PTPN23: variants seen among roughly 807,000 people sequenced by gnomAD.
The protein encoded by PTPN23 is tyrosine-protein phosphatase non-receptor type 23.
In PTPN23, 72 loss-of-function variants were observed where a neutral mutation model predicts 156.3. The ratio of observed to expected loss-of-function variants is 0.46; its 90% confidence interval spans 0.38 to 0.56. The LOEUF (loss-of-function observed/expected upper bound fraction) is 0.56, where lower values mean the gene tolerates loss of function less well. Ranked by LOEUF, PTPN23 falls within the 20% of genes least tolerant of loss-of-function variation. PTPN23 has a pLI of 0.00. For synonymous variants in PTPN23, 957 were observed against 899.6 expected (o/e 1.06, Z -1.14); for missense variants, 1,974 against 2,171.5 (o/e 0.91, Z 1.81).
chr3:47,398,061 T>G (rs987354288), intron 2 of PTPN23, among the ~76,000 whole-genome samples: 1 of 152,076 alleles, frequency 6.6e-6, no homozygotes, highest in South Asian at 2.1e-4. Flanking sequence ...TTTGGGAGGC[T>G]GAGGCAGGTG....
Position 47,413,139 on chromosome 3 carries a change from A to AC in PTPN23, c.4870dup (p.Leu1624ProfsTer?). 6.2e-7 allele frequency: 1 copy of AC among 1,612,392 alleles called. No individual in the cohort carries two copies. Among genetic ancestry groups the AC allele is most frequent in the Non-Finnish European group, 8.5e-7 (1 of 1,179,878 alleles). ...CTGCGGGCCACCCGGCCCTCTGACG[A>AC]CCCCCTCAGCCTTCTGGATCCACTC... On this transcript the variant is annotated frameshift_variant, in exon 25 of 25. Coordinates refer to ENST00000265562, the MANE Select transcript of PTPN23 (RefSeq NM_015466.4). LOFTEE classifies it high-confidence loss of function.
At position 47,406,370 on chromosome 3, in the gene PTPN23, A is replaced by T; in HGVS notation, c.592A>T (p.Arg198Trp). The change falls in exon 7 of 25, where the codon AGG becomes TGG. Residue 198 changes from arginine (R) to tryptophan (W), a missense_variant. By Grantham distance (101) the Arg-to-Trp change is moderately radical (BLOSUM62 -3). Around this residue, in one of 4 missense-constraint regions of PTPN23, gnomAD observed 726 missense variants for 929.5 expected, o/e 0.78. Transcript: ENST00000265562. This position sits in a 1 kb window ranked among gnomAD's most constrained non-coding sequence, Gnocchi z 5.8. ...CLLEKSMLDNRKSFLVARISA... is the reference protein window; with the variant it reads ...CLLEKSMLDNWKSFLVARISA... ...CCTGGAGAAGTCGATGTTGGACAAC[A>T]GGAAGAGCTTTCTGGTGGCCCGCAT... 6.2e-7 allele frequency: 1 copy of T among 1,613,878 alleles called. No individual in the cohort carries two copies. The highest frequency in any genetic ancestry group is 1.7e-5 in the Admixed American group (1 of 60,032).
Position 47,411,554 on chromosome 3 carries a change from C to A in PTPN23, c.3756C>A (p.Leu1252=), listed in dbSNP as rs749718894. The change falls in exon 20 of 25, where the codon CTC becomes CTA. Residue 1252 remains leucine (L), a synonymous_variant. Transcript: ENST00000265562. The surrounding 1 kb of genome is among the most constrained non-coding windows in gnomAD (Gnocchi z 6.3). ...DYINASCVEG[L]SPYCPPLVAT... ...TCAATGCCAGCTGCGTGGAGGGGCT[C>A]TCCCCATACTGCCCCCCGCTAGTGG... 1.4e-5 allele frequency: 22 copies of A among 1,612,672 alleles called. No homozygotes were observed. The highest frequency in any genetic ancestry group is 1.7e-5 in the Non-Finnish European group (20 of 1,179,998).
chr3:47,406,448 T>A lies in PTPN23; in HGVS notation c.628-33T>A, dbSNP rs1559525183. ...GGGAGGCCTTCACTTTACTGCTGAC[T>A]CCCCCACTCATTGGGCCCCACCCTG... On this transcript the variant is annotated intron_variant, in intron 7 of 24. Transcript: ENST00000265562. The surrounding 1 kb of genome is among the most constrained non-coding windows in gnomAD (Gnocchi z 5.8). 6.2e-7 allele frequency: 1 copy of A among 1,613,746 alleles called. No homozygotes were observed. The highest frequency in any genetic ancestry group is 8.5e-7 in the Non-Finnish European group (1 of 1,179,926).
At chr3:47,412,015 G>A (rs1705312319) in intron 21 of PTPN23, 48 bp downstream of exon 21, 4 of 1,606,864 alleles carry the variant, frequency 2.5e-6, no homozygotes, top group East Asian at 2.2e-5. Context: ...GTGCTGTCCA[G>A]TCCTTGGTGC....
At chr3:47,387,786 T>C (rs2107693598) in intron 1 of PTPN23, among the ~76,000 whole-genome samples, 1 of 152,322 alleles carries the variant, frequency 6.6e-6, no homozygotes, top group East Asian at 1.9e-4. Context: ...AAAGCATACA[T>C]AGAAGAATGA....
intron 1 of PTPN23, among the ~76,000 whole-genome samples, chr3:47,390,205 A>G (rs560278171): frequency 1.4e-4 from 21 of 152,318 alleles, no homozygotes; most frequent in Middle Eastern, 3.4e-3. Context: ...ACTGCACTCC[A>G]GCCTGCCTGA....
At chr3:47,393,888 G>A (rs1209813208) in intron 1 of PTPN23, among the ~76,000 whole-genome samples, 1 of 151,294 alleles carries the variant, frequency 6.6e-6, no homozygotes, top group African/African-American at 2.4e-5. Flanking sequence ...TACAGGCGTG[G>A]GCTACCATAC....
chr3:47,385,250 C>T (rs1704628869), intron 1 of PTPN23, among the ~76,000 whole-genome samples: 1 of 152,154 alleles, frequency 6.6e-6, no homozygotes, highest in South Asian at 2.1e-4. Flanking sequence ...AAACACTTGC[C>T]CTTAACCAGC....
chr3:47,405,682 CCT>C lies in PTPN23; in HGVS notation c.365-64_365-63del, dbSNP rs1705104206. On this transcript the variant is annotated intron_variant, in intron 4 of 24. Coordinates refer to ENST00000265562, the MANE Select transcript of PTPN23 (RefSeq NM_015466.4). The surrounding 1 kb of genome is among the most constrained non-coding windows in gnomAD (Gnocchi z 4.7). The stretch of plus-strand genomic sequence containing the variant: ...CTGATTGTGGATAACAGCAGTGCCC[CCT>C]CTGTCTCACCTTCACATGGGTGTGA... 5 of 1,502,920 alleles carry C rather than the reference CCT, an allele frequency of 3.3e-6. No individual in the cohort carries two copies. Among genetic ancestry groups the C allele is most frequent in the South Asian group, 1.2e-5 (1 of 83,476 alleles). The allele number at this position is 1,502,920 out of a possible 1,614,324, so 93.1% of individuals were successfully genotyped here. A position where few individuals can be genotyped will look rare whatever the true frequency, so the allele number is the denominator to read the frequency against.
chr3:47,406,680 TG>T lies in PTPN23; in HGVS notation c.760-21del. On this transcript the variant is annotated intron_variant, in intron 8 of 24. Transcript: ENST00000265562. The surrounding 1 kb of genome is among the most constrained non-coding windows in gnomAD (Gnocchi z 5.8). ...TGGCCACAGCTCAGGAAGCAAGTCG[TG>T]GCGTCTCTTCTTCTTTCCCAGCTGC... The T allele has an allele frequency of 1.2e-6, 2 of 1,613,960 alleles. No homozygotes were observed. The highest frequency in any genetic ancestry group is 1.7e-6 in the Non-Finnish European group (2 of 1,179,968).
rs550167691 is a variant in PTPN23, at chr3:47,391,317, A to G, written c.85-4826A>G. Among the ~76,000 whole-genome samples the G allele has an allele frequency of 1.1e-4, 17 of 152,334 alleles. No individual in the cohort carries two copies. In the South Asian group the frequency reaches 3.5e-3, roughly 32 times the overall value. ...TGGAATGGTCTAATATGGAAAGAAC[A>G]TGGGCTCTGGAGCCCAAATGCCTGG... is the stretch of plus-strand genomic sequence containing the variant. On this transcript the variant is annotated intron_variant, in intron 1 of 24. Coordinates refer to ENST00000265562, the MANE Select transcript of PTPN23 (RefSeq NM_015466.4).
At position 47,406,057 on chromosome 3, in the gene PTPN23, G is replaced by T; in HGVS notation, c.546+11G>T. 1 of 1,610,092 alleles carries T rather than the reference G, an allele frequency of 6.2e-7. No individual in the cohort carries two copies. Among genetic ancestry groups the T allele is most frequent in the African/African-American group, 1.3e-5 (1 of 75,016 alleles). On this transcript the variant is annotated intron_variant, in intron 6 of 24. Coordinates refer to ENST00000265562, the MANE Select transcript of PTPN23 (RefSeq NM_015466.4). This position sits in a 1 kb window ranked among gnomAD's most constrained non-coding sequence, Gnocchi z 5.8. The stretch of plus-strand genomic sequence containing the variant: ...GTCAACCTCATGCTGGTGAGGAGGC[G>T]CCCTGGTTGGAGTGGAGTTGAATCC...
rs1435841186 is a variant in PTPN23 at position 47,408,376 on chromosome 3, G to A, written c.1216G>A (p.Glu406Lys). 2.5e-6 allele frequency: 4 copies of A among 1,614,114 alleles called. No homozygotes were observed. Among genetic ancestry groups the A allele is most frequent in the Non-Finnish European group, 3.4e-6 (4 of 1,180,000 alleles). The change falls in exon 15 of 25, where the codon GAG becomes AAG. Residue 406 changes from glutamate to lysine, a missense_variant. Coordinates refer to ENST00000265562, the MANE Select transcript of PTPN23 (RefSeq NM_015466.4). ...CATGGATTCAATGCAGTTGGATCCC[G>A]AGACGGTGGACAACCTTGATGCCTA... ...QFMDSMQLDP[E>K]TVDNLDAYSH...
intron 14 of PTPN23, 88 bp from the exon 15 acceptor site, chr3:47,408,257 A>G: frequency 6.5e-7 from 1 of 1,533,630 alleles, no homozygotes; most frequent in South Asian, 1.2e-5. Context: ...CCTCAGATTG[A>G]GTGGTGAGGC....
chr3:47,406,871 C>A lies in PTPN23; in HGVS notation c.807+121C>A. The stretch of plus-strand genomic sequence containing the variant: ...CTGTCTCACCCTGGCCATCACCCTG[C>A]TGGAGGCCTGGTGTCTTAAGTGTTG... On this transcript the variant is annotated intron_variant, in intron 9 of 24. Coordinates refer to ENST00000265562, the MANE Select transcript of PTPN23 (RefSeq NM_015466.4). This position sits in a 1 kb window ranked among gnomAD's most constrained non-coding sequence, Gnocchi z 5.8. 1 of 1,323,870 alleles carries A rather than the reference C, an allele frequency of 7.6e-7. No homozygotes were observed. The highest frequency in any genetic ancestry group is 1.1e-6 in the Non-Finnish European group (1 of 949,106). 82.0% of individuals were successfully genotyped at this position (1,323,870 alleles called of 1,614,324 possible). A position where few individuals can be genotyped will look rare whatever the true frequency, so the allele number is the denominator to read the frequency against.
rs779002983 is a variant in PTPN23 at position 47,407,122 on chromosome 3, C to T, written c.808-8C>T. On this transcript the variant is annotated splice_polypyrimidine_tract_variant and splice_region_variant and intron_variant, in intron 9 of 24. Coordinates refer to ENST00000265562, the MANE Select transcript of PTPN23 (RefSeq NM_015466.4). The surrounding 1 kb of genome is among the most constrained non-coding windows in gnomAD (Gnocchi z 4.0). ...GGACAGAGCAGGCTTTCCTGCCACCCTCCACAGGTTGCATACTTCCAGAGC... is the reference window on the plus strand; with the variant it reads ...GGACAGAGCAGGCTTTCCTGCCACCTTCCACAGGTTGCATACTTCCAGAGC... The T allele has an allele frequency of 1.2e-6, 2 of 1,613,964 alleles. No homozygotes were observed. The highest frequency in any genetic ancestry group is 1.1e-5 in the South Asian group (1 of 91,072).
intron 1 of PTPN23, among the ~76,000 whole-genome samples, chr3:47,394,916 G>T (rs1306487336): frequency 6.6e-6 from 1 of 152,170 alleles, no homozygotes; most frequent in African/African-American, 2.4e-5. Context: ...CCAGGACAGA[G>T]GTGGCATGGG....
rs375413495 is a variant in PTPN23 at position 47,412,692 on chromosome 3, C to G, written c.4432-14C>G. On this transcript the variant is annotated splice_polypyrimidine_tract_variant and intron_variant, in intron 24 of 24. Transcript: ENST00000265562. Reference sequence around the variant, plus strand: ...CCTTGGGACTCCCTCTCCTCACTCACTCTGTCTTCTCAGAACCACCTTCCT... The same window carrying G: ...CCTTGGGACTCCCTCTCCTCACTCAGTCTGTCTTCTCAGAACCACCTTCCT... The G allele has an allele frequency of 4.4e-6, 7 of 1,597,388 alleles. No homozygotes were observed. The highest frequency in any genetic ancestry group is 1.1e-5 in the South Asian group (1 of 88,842).
Sources: allele counts gnomAD v4.1 joint callset (sites outside exome capture counted in the v4.1 genomes callset), GRCh38; gene constraint gnomAD v4.1.1; regional missense constraint gnomAD v4.1.1; non-coding constraint Gnocchi (gnomAD v3.1); transcripts MANE v1.5; gene names NCBI Gene and HGNC (gene_info 2026-07-23, HGNC 2026-07-21).